The following WWC1 variants were observed in gnomAD, a reference collection of about 807,000 sequenced individuals.
WWC1 encodes the protein WW and C2 domain containing 1, also known as protein KIBRA.
WWC1 carries 55 observed loss-of-function variants against 138.4 expected under a neutral mutation model. That is an observed-to-expected ratio of 0.40 (90% CI 0.32 to 0.50). WWC1 has a LOEUF of 0.50. Among genes scored for constraint, WWC1 ranks in the 20% least tolerant of loss-of-function variants. The pLI is 0.72. For synonymous variants in WWC1, 524 were observed against 564.9 expected, an observed-to-expected ratio of 0.93 and a Z score of 1.03; for missense variants, 1,226 against 1,420.4, an observed-to-expected ratio of 0.86 and a Z score of 2.20.
intron 2 of WWC1, among the ~76,000 whole-genome samples, chr5:168,372,905 C>CTG (rs1240942820): frequency 1.3e-5 from 2 of 152,230 alleles, no homozygotes; most frequent in African/African-American, 2.4e-5. Context: ...TGAACTTAAC[C>CTG]TGTGCTAAAT....
At chr5:168,402,137 A>G (rs1779352466) in intron 5 of WWC1, among the ~76,000 whole-genome samples, 1 of 152,168 alleles carries the variant, frequency 6.6e-6, no homozygotes, top group Admixed American at 6.5e-5. Context: ...CTGAAACCCC[A>G]AAGACAAGCC....
intron 19 of WWC1, among the ~76,000 whole-genome samples, 183 bp downstream of exon 19, chr5:168,455,703 A>T (rs1561792383): frequency 6.6e-6 from 1 of 152,232 alleles, no homozygotes; most frequent in Non-Finnish European, 1.5e-5. Flanking sequence ...TAGACAAGCA[A>T]TAGAAAAGGC....
intron 9 of WWC1, among the ~76,000 whole-genome samples, chr5:168,418,821 A>G (rs1202125247): frequency 6.6e-6 from 1 of 151,950 alleles, no homozygotes; most frequent in East Asian, 1.9e-4. Flanking sequence ...TACTGGGTCA[A>G]GAGATTCCAC....
rs777762949 is a variant in WWC1, at chr5:168,414,383, A to G, written c.977A>G (p.Asp326Gly). The G allele has an allele frequency of 1.2e-6, 2 of 1,610,284 alleles. No homozygotes were observed. The highest frequency in any genetic ancestry group is 1.7e-5 in the Admixed American group (1 of 59,574). Residue 326 changes from aspartate to glycine, a missense_variant, in exon 9 of 23, where the codon GAC (aspartate) becomes GGC (glycine). Physicochemically the swap from Asp to Gly is moderately conservative, Grantham distance 94. This residue lies in a region of WWC1 where 1,016 missense variants were observed against 1,153.9 expected (regional missense o/e 0.88). Transcript: ENST00000265293. The part of the protein sequence containing the change: ...ANLKIQLAKL[D>G]SEAWPGVLDS... ...CTGAAGATCCAGCTGGCCAAGCTTG[A>G]CAGTGAGGCCTGGCCTGGGGTGCTG... is the stretch of plus-strand genomic sequence containing the variant.
intron 1 of WWC1, among the ~76,000 whole-genome samples, chr5:168,299,868 C>G (rs1013319348): frequency 1.3e-5 from 2 of 152,202 alleles, no homozygotes; most frequent in South Asian, 4.1e-4. Context: ...TGTCAGGTGG[C>G]TGTCCATGAC....
At chr5:168,459,576 C>T (rs1222597506) in intron 19 of WWC1, among the ~76,000 whole-genome samples, 7 of 152,318 alleles carry the variant, frequency 4.6e-5, no homozygotes, top group Non-Finnish European at 8.8e-5. Flanking sequence ...GCACCTGGCA[C>T]GTAGCAGGTG....
chr5:168,385,376 A>G lies in WWC1; in HGVS notation c.395A>G (p.His132Arg), dbSNP rs746904400. The G allele has an allele frequency of 6.2e-7, 1 of 1,614,058 alleles. No individual in the cohort carries two copies. The highest frequency in any genetic ancestry group is 8.5e-7 in the Non-Finnish European group (1 of 1,180,006). ...GCACAGCAGGAGTACCAGCAACTGC[A>G]TGCCGTCTGGGAGCATAAGCTGGGC... Reference protein sequence around the residue: ...ELAQQEYQQLHAVWEHKLGSQ... With the variant: ...ELAQQEYQQLRAVWEHKLGSQ... Residue 132 changes from histidine to arginine, a missense_variant, in exon 3 of 23, where the codon CAT (histidine) becomes CGT (arginine). Coordinates refer to ENST00000265293, the MANE Select transcript of WWC1 (RefSeq NM_015238.3).
At chr5:168,300,300 G>A (rs1221163633) in intron 1 of WWC1, among the ~76,000 whole-genome samples, 1 of 152,112 alleles carries the variant, frequency 6.6e-6, no homozygotes, top group Non-Finnish European at 1.5e-5. Flanking sequence ...ATGGGGTGGC[G>A]GGAGGAGGGG....
chr5:168,295,665 C>T (rs1011017480), intron 1 of WWC1, among the ~76,000 whole-genome samples: 3 of 152,086 alleles, frequency 2.0e-5, no homozygotes, highest in Non-Finnish European at 4.4e-5. Context: ...GGTTACCAAC[C>T]CTAAAGAATG....
chr5:168,440,876 A>G (rs897837620), intron 15 of WWC1, among the ~76,000 whole-genome samples: 2 of 152,200 alleles, frequency 1.3e-5, no homozygotes, highest in South Asian at 2.1e-4. Flanking sequence ...ACTGCTCACA[A>G]TAGTGAAGAG....
At chr5:168,385,456 G>T in intron 3 of WWC1, 42 bp downstream of exon 3, 1 of 1,592,406 alleles carries the variant, frequency 6.3e-7, no homozygotes, top group South Asian at 1.1e-5. Context: ...GACACCAACA[G>T]AGAATGGCCA....
At chr5:168,451,571 C>T (rs561587624) in intron 17 of WWC1, among the ~76,000 whole-genome samples, 8 of 152,056 alleles carry the variant, frequency 5.3e-5, no homozygotes, top group East Asian at 1.9e-4. Flanking sequence ...CATGGTGGCA[C>T]GTGCCTGTAG....
chr5:168,436,132 CG>C (rs1782333524), intron 15 of WWC1, among the ~76,000 whole-genome samples: 2 of 152,162 alleles, frequency 1.3e-5, no homozygotes, highest in African/African-American at 4.8e-5. Flanking sequence ...CGTGAGCCAC[CG>C]TGCCTGGCCT....
In WWC1 at chr5:168,423,797, G is replaced by A. The variant is rs1781308867; in HGVS notation, c.1539G>A (p.Glu513=). 1.2e-6 allele frequency: 2 copies of A among 1,614,142 alleles called. No homozygotes were observed. The highest frequency in any genetic ancestry group is 1.7e-6 in the Non-Finnish European group (2 of 1,180,028). Reference sequence around the variant, plus strand: ...AGGTGGCCAAGACCCAGAAGGCAGAGGGAGGTGGCCGCCTGCAGGCTCTGC... The same window carrying A: ...AGGTGGCCAAGACCCAGAAGGCAGAAGGAGGTGGCCGCCTGCAGGCTCTGC... ...EDEVAKTQKA[E]GGGRLQALRS... The change falls in exon 11 of 23, where the codon GAG becomes GAA. Residue 513 remains glutamate, a synonymous_variant. Coordinates refer to ENST00000265293, the MANE Select transcript of WWC1 (RefSeq NM_015238.3).
rs543958181 is a variant in WWC1, at chr5:168,431,194, C to A, written c.2088-58C>A. 175 of 1,490,068 alleles carry A rather than the reference C, an allele frequency of 1.2e-4. 4 individuals carry two copies. The South Asian group carries it at 2.1e-3, about 18-fold the overall frequency. The allele number at this position is 1,490,068 out of a possible 1,614,324, so 92.3% of individuals were successfully genotyped here. A position where few individuals can be genotyped will look rare whatever the true frequency, so the allele number is the denominator to read the frequency against. ...GGATTTCAGCAGCTGTTTAGTCCAA[C>A]ATTTTAGCCCCAGACATGGGCTGAC... On this transcript the variant is annotated intron_variant, in intron 14 of 22. Coordinates refer to ENST00000265293, the MANE Select transcript of WWC1 (RefSeq NM_015238.3).
At chr5:168,335,782 A>G (rs1028724791) in intron 1 of WWC1, among the ~76,000 whole-genome samples, 2 of 150,054 alleles carry the variant, frequency 1.3e-5, no homozygotes, top group Admixed American at 1.3e-4. Context: ...TTGCTAATTT[A>G]ATTGTTTATA....
chr5:168,306,141 T>C (rs1770538700), intron 1 of WWC1, among the ~76,000 whole-genome samples: 1 of 152,196 alleles, frequency 6.6e-6, no homozygotes, highest in Non-Finnish European at 1.5e-5. Context: ...CTCACGCCTG[T>C]AATCCCAACA....
chr5:168,462,040 A>G lies in WWC1; in HGVS notation c.2916+1298A>G, dbSNP rs1241906851. Among the ~76,000 whole-genome samples, 3 of 150,804 alleles carry G rather than the reference A, an allele frequency of 2.0e-5. No individual in the cohort carries two copies. The East Asian group carries it at 5.8e-4, about 29-fold the overall frequency. ...CGTTGCACTCCAGCTGGGCAACAAG[A>G]GTGAAACTACATCTCAAAAAAAAAA... On this transcript the variant is annotated intron_variant, in intron 20 of 22. Transcript: ENST00000265293.
At chr5:168,379,757 A>T (rs1777477465) in intron 2 of WWC1, among the ~76,000 whole-genome samples, 1 of 152,202 alleles carries the variant, frequency 6.6e-6, no homozygotes, top group African/African-American at 2.4e-5. Context: ...CCCTTGAAGG[A>T]TAATCTTTTC....
Sources: allele counts gnomAD v4.1 joint callset (sites outside exome capture counted in the v4.1 genomes callset), GRCh38; gene constraint gnomAD v4.1.1; regional missense constraint gnomAD v4.1.1; transcripts MANE v1.5; gene names NCBI Gene and HGNC (gene_info 2026-07-23, HGNC 2026-07-21).